KIF6: variants seen among roughly 807,000 people sequenced by gnomAD.
KIF6 encodes kinesin-like protein KIF6.
KIF6 carries 106 observed loss-of-function variants against 112.7 expected under a neutral mutation model. That is an observed-to-expected ratio of 0.94 (90% CI 0.80 to 1.11). KIF6 has a LOEUF of 1.11. Ranked by LOEUF, KIF6 falls within the 50% of genes least tolerant of loss-of-function variation. The pLI is 0.00. For missense variants in KIF6, 929 were observed against 964.0 expected (o/e 0.96, Z 0.48); for synonymous variants, 339 against 339.9 (o/e 1.00, Z 0.03).
At chr6:39,677,199 T>C (rs1334375668) in intron 3 of KIF6, among the ~76,000 whole-genome samples, 1 of 152,024 alleles carries the variant, frequency 6.6e-6, no homozygotes, top group African/African-American at 2.4e-5. Flanking sequence ...CTTTAAGATA[T>C]AAAGAATTGT....
chr6:39,523,645 CAT>C (rs56952665), intron 13 of KIF6, among the ~76,000 whole-genome samples: 88 of 32,436 alleles, frequency 2.7e-3, no homozygotes, highest in Non-Finnish European at 4.5e-3. Context: ...TTAATTCTGC[CAT>C]ATATATATAT....
chr6:39,524,488 G>A (rs980088673), intron 13 of KIF6, among the ~76,000 whole-genome samples: 10 of 152,240 alleles, frequency 6.6e-5, no homozygotes, highest in Admixed American at 2.6e-4. Flanking sequence ...AATAAAGGTC[G>A]TATTCCTCCA....
chr6:39,524,488 G>T (rs980088673), intron 13 of KIF6, among the ~76,000 whole-genome samples: 1 of 152,240 alleles, frequency 6.6e-6, no homozygotes, highest in African/African-American at 2.4e-5. Flanking sequence ...AATAAAGGTC[G>T]TATTCCTCCA....
intron 15 of KIF6, among the ~76,000 whole-genome samples, chr6:39,404,731 C>A: frequency 6.6e-6 from 1 of 152,150 alleles, no homozygotes; most frequent in Non-Finnish European, 1.5e-5. Context: ...TTGAATAGAA[C>A]TGCATTACAT....
intron 10 of KIF6, among the ~76,000 whole-genome samples, chr6:39,566,760 A>C (rs1322874420): frequency 1.3e-5 from 2 of 152,218 alleles, no homozygotes; most frequent in African/African-American, 2.4e-5. Context: ...ATGCCAAGGG[A>C]GAACATTTGT....
chr6:39,467,742 G>C (rs1773881662), intron 13 of KIF6, among the ~76,000 whole-genome samples: 1 of 152,212 alleles, frequency 6.6e-6, no homozygotes, highest in African/African-American at 2.4e-5. Context: ...TTTCAATAAA[G>C]AATTATGATA....
intron 3 of KIF6, among the ~76,000 whole-genome samples, chr6:39,698,488 A>G (rs1232337914): frequency 5.9e-5 from 9 of 152,258 alleles, no homozygotes; most frequent in Non-Finnish European, 1.3e-4. Context: ...GAGAGTGAAT[A>G]CAAGTTAGTA....
chr6:39,523,176 C>G (rs551861424), intron 13 of KIF6, among the ~76,000 whole-genome samples: 11 of 152,100 alleles, frequency 7.2e-5, no homozygotes, highest in Non-Finnish European at 1.5e-5. Context: ...CCATTCTAAT[C>G]AGTTCTCTTT....
intron 10 of KIF6, among the ~76,000 whole-genome samples, chr6:39,568,730 T>C (rs947683942): frequency 8.5e-5 from 13 of 152,120 alleles, no homozygotes; most frequent in Middle Eastern, 3.4e-3. Context: ...TTTGTATTTT[T>C]AGTAGAGATG....
intron 13 of KIF6, among the ~76,000 whole-genome samples, chr6:39,454,547 A>AG (rs1772917626): frequency 2.0e-5 from 3 of 151,734 alleles, no homozygotes; most frequent in African/African-American, 7.3e-5. Flanking sequence ...AAAAAAAAAA[A>AG]AAAAAGATCG....
In KIF6 at chr6:39,502,581, T is replaced by G. The variant is rs1160892929; in HGVS notation, c.1645+37422A>C. 2.0e-5 allele frequency among the ~76,000 whole-genome samples: 3 copies of G among 152,224 alleles called. No individual in the cohort carries two copies. In the South Asian group the frequency reaches 6.2e-4, roughly 32 times the overall value. On this transcript the variant is annotated intron_variant, in intron 13 of 22. Coordinates refer to ENST00000287152, the MANE Select transcript of KIF6 (RefSeq NM_145027.6). ...GATAAAAAACCTAGACCCATTGTTATGCTGTCTTCAAGAGACCTGCCTCAC... is the reference window on the plus strand; with the variant it reads ...GATAAAAAACCTAGACCCATTGTTAGGCTGTCTTCAAGAGACCTGCCTCAC...
intron 6 of KIF6, among the ~76,000 whole-genome samples, chr6:39,598,302 T>C (rs1420403040): frequency 1.3e-5 from 2 of 152,140 alleles, no homozygotes; most frequent in African/African-American, 4.8e-5. Context: ...AAATGGTTAA[T>C]GAATATTTGA....
intron 13 of KIF6, among the ~76,000 whole-genome samples, chr6:39,493,745 T>C (rs1409410501): frequency 6.6e-6 from 1 of 152,244 alleles, no homozygotes; most frequent in Non-Finnish European, 1.5e-5. Context: ...TACTTTCAAA[T>C]TGTACACGAT....
At chr6:39,420,779 T>C (rs1304192223) in intron 14 of KIF6, among the ~76,000 whole-genome samples, 4 of 152,220 alleles carry the variant, frequency 2.6e-5, no homozygotes, top group Admixed American at 6.5e-5. Flanking sequence ...ATAATACAGA[T>C]ATGATTTTGT....
chr6:39,477,921 CATG>C (rs1347365364), intron 13 of KIF6, among the ~76,000 whole-genome samples: 2 of 151,944 alleles, frequency 1.3e-5, no homozygotes, highest in Admixed American at 6.6e-5. Context: ...AGGTTTACAA[CATG>C]ATATCATGGG....
intron 16 of KIF6, among the ~76,000 whole-genome samples, chr6:39,382,885 G>A (rs9380851): frequency 0.22 from 33,463 of 148,744 alleles, 5,270 homozygotes; most frequent in African/African-American, 0.44. Flanking sequence ...ATGGTATCTC[G>A]TTGCGATTTT....
rs1327602515 is a variant in KIF6 at position 39,343,183 on chromosome 6, CCTT to C, written c.2428+523_2428+525del. On this transcript the variant is annotated intron_variant, in intron 22 of 22. Coordinates refer to ENST00000287152, the MANE Select transcript of KIF6 (RefSeq NM_145027.6). This position sits in a 1 kb window ranked among gnomAD's most constrained non-coding sequence, Gnocchi z 4.1. ...GGGCAGTGATGCAGACCAAGAAGAG[CCTT>C]CTTCTCTTCCTGTTGTCTGACACGC... 4.1e-6 allele frequency: 4 copies of C among 985,220 alleles called. No individual in the cohort carries two copies. The African/African-American group carries it at 5.2e-5, about 13-fold the overall frequency. 61.0% of individuals were successfully genotyped at this position (985,220 alleles called of 1,614,324 possible). A position where few individuals can be genotyped will look rare whatever the true frequency, so the allele number is the denominator to read the frequency against.
At chr6:39,713,404 C>T (rs750631125) in intron 3 of KIF6, among the ~76,000 whole-genome samples, 1 of 152,104 alleles carries the variant, frequency 6.6e-6, no homozygotes, top group Non-Finnish European at 1.5e-5. Flanking sequence ...TTGACAAGAA[C>T]AGGGTTTAGG....
chr6:39,398,515 C>T (rs139282408), intron 15 of KIF6, among the ~76,000 whole-genome samples: 97 of 152,306 alleles, frequency 6.4e-4, no homozygotes, highest in African/African-American at 2.3e-3. Flanking sequence ...TGGATATTAT[C>T]TTTGAGAAAA....
Sources: allele counts gnomAD v4.1 joint callset (sites outside exome capture counted in the v4.1 genomes callset), GRCh38; gene constraint gnomAD v4.1.1; non-coding constraint Gnocchi (gnomAD v3.1); transcripts MANE v1.5; gene names NCBI Gene and HGNC (gene_info 2026-07-23, HGNC 2026-07-21).